DIAPH3: variants seen among roughly 807,000 people sequenced by gnomAD.
The protein encoded by DIAPH3 is protein diaphanous homolog 3.
Under a neutral mutation model 144.3 loss-of-function variants are expected in DIAPH3, and 117 were observed. The ratio of observed to expected loss-of-function variants is 0.81; its 90% CI spans 0.70 to 0.95. The LOEUF (loss-of-function observed/expected upper bound fraction) is 0.95, where lower values mean the gene tolerates loss of function less well. Among genes scored for constraint, DIAPH3 ranks in the 40% least tolerant of loss-of-function variants. The probability of loss-of-function intolerance (pLI) is 0.00; values close to 1 mark genes in which losing one functional copy is unlikely to be tolerated. For missense variants in DIAPH3, 1,421 were observed against 1,412.7 expected (o/e 1.01, Z -0.09); for synonymous variants, 519 against 488.9 (o/e 1.06, Z -0.81).
At chr13:59,811,052 T>C in intron 24 of DIAPH3, 129 bp from the exon 25 acceptor site, 1 of 840,288 alleles carries the variant, frequency 1.2e-6, no homozygotes, top group Admixed American at 2.8e-5. Flanking sequence ...GTTATGTTAG[T>C]AATACAGTCT....
Position 60,111,990 on chromosome 13 carries a change from T to C in DIAPH3, c.390+20A>G. 6.2e-7 allele frequency: 1 copy of C among 1,613,246 alleles called. No individual in the cohort carries two copies. The highest frequency in any genetic ancestry group is 8.5e-7 in the Non-Finnish European group (1 of 1,179,376). ...TAAGGCTTTTTCCTCAAACATTTCCTAAAGAATCAAAATTCTTACCATCAT... is the reference window on the plus strand; with the variant it reads ...TAAGGCTTTTTCCTCAAACATTTCCCAAAGAATCAAAATTCTTACCATCAT... On this transcript the variant is annotated intron_variant, in intron 3 of 27. Coordinates refer to ENST00000400324, the MANE Select transcript of DIAPH3 (RefSeq NM_001042517.2).
chr13:59,788,095 T>A lies in DIAPH3; in HGVS notation c.3164-13272A>T, dbSNP rs2039128914. Among the ~76,000 whole-genome samples, 3 of 152,180 alleles carry A rather than the reference T, an allele frequency of 2.0e-5. No individual in the cohort carries two copies. In the South Asian group the frequency reaches 6.2e-4, roughly 32 times the overall value. Reference sequence around the variant, plus strand: ...ATGGACTAAGACACCATAACAAAAATAAATAAACCATGCTTTAGATGTGAT... The same window carrying A: ...ATGGACTAAGACACCATAACAAAAAAAAATAAACCATGCTTTAGATGTGAT... On this transcript the variant is annotated intron_variant, in intron 25 of 27. Transcript: ENST00000400324.
At chr13:60,134,377 G>A (rs993669014) in intron 1 of DIAPH3, among the ~76,000 whole-genome samples, 3 of 152,178 alleles carry the variant, frequency 2.0e-5, no homozygotes, top group Non-Finnish European at 2.9e-5. Context: ...AAGTACGCAC[G>A]GTGGTCCTTA....
At chr13:60,129,270 T>C (rs964327808) in intron 2 of DIAPH3, among the ~76,000 whole-genome samples, 1 of 152,178 alleles carries the variant, frequency 6.6e-6, no homozygotes, top group African/African-American at 2.4e-5. Context: ...GAAAACCTTC[T>C]TCAAAACCCA....
At chr13:59,820,544 T>G (rs77430165) in intron 24 of DIAPH3, among the ~76,000 whole-genome samples, 3,244 of 151,982 alleles carry the variant, frequency 0.021, 86 homozygotes, top group East Asian at 0.12. Flanking sequence ...AAAAATTAAC[T>G]TAAAACACTG....
chr13:59,925,740 T>C (rs968570283), intron 17 of DIAPH3, among the ~76,000 whole-genome samples: 4 of 152,172 alleles, frequency 2.6e-5, no homozygotes, highest in African/African-American at 9.7e-5. Context: ...TTTCCTATTC[T>C]TTCTGATTTA....
intron 22 of DIAPH3, among the ~76,000 whole-genome samples, chr13:59,854,476 A>G (rs149956614): frequency 1.2e-3 from 176 of 152,142 alleles, no homozygotes; most frequent in African/African-American, 3.9e-3. Context: ...TCTTCCCCCA[A>G]TTGGTTACAT....
chr13:60,135,131 G>T (rs1406464250), intron 1 of DIAPH3, among the ~76,000 whole-genome samples: 1 of 151,690 alleles, frequency 6.6e-6, no homozygotes, highest in African/African-American at 2.4e-5. Context: ...ACTGTCAAAG[G>T]TCTAAAATTA....
chr13:59,676,596 G>C (rs925111003), intron 27 of DIAPH3, among the ~76,000 whole-genome samples: 1 of 152,166 alleles, frequency 6.6e-6, no homozygotes, highest in Non-Finnish European at 1.5e-5. Context: ...CAGGTGCTAA[G>C]TTTTTGAAAC....
chr13:60,001,918 C>A (rs912387875), intron 9 of DIAPH3, among the ~76,000 whole-genome samples: 1 of 152,096 alleles, frequency 6.6e-6, no homozygotes, highest in African/African-American at 2.4e-5. Flanking sequence ...AAAATCTGTG[C>A]CTGATTTCAG....
chr13:60,163,923 A>T lies in DIAPH3; in HGVS notation c.-157T>A, dbSNP rs991180846. The T allele has an allele frequency of 2.2e-6, 2 of 923,232 alleles. No homozygotes were observed. The highest frequency in any genetic ancestry group is 3.1e-6 in the Non-Finnish European group (2 of 636,448). 57.2% of individuals were successfully genotyped at this position (923,232 alleles called of 1,614,324 possible). On this transcript the variant is annotated 5_prime_UTR_variant, in exon 1 of 28. Coordinates refer to ENST00000400324, the MANE Select transcript of DIAPH3 (RefSeq NM_001042517.2). ...CGCTGAAGTCGGGGCCGCAGCCAAC[A>T]CATCTGAAAACTCCCGCCACCCGTG...
intron 27 of DIAPH3, among the ~76,000 whole-genome samples, chr13:59,729,423 C>T (rs1183399274): frequency 1.1e-4 from 17 of 151,790 alleles, no homozygotes; most frequent in Admixed American, 1.1e-3. Flanking sequence ...AGAAAGATAC[C>T]ATTCAATAAT....
chr13:59,836,182 A>T (rs1162513349), intron 23 of DIAPH3, among the ~76,000 whole-genome samples: 1 of 151,866 alleles, frequency 6.6e-6, no homozygotes, highest in Non-Finnish European at 1.5e-5. Context: ...TTCAAGTGCA[A>T]TGCTCCAAAT....
chr13:59,840,908 T>C (rs554176366), intron 22 of DIAPH3, among the ~76,000 whole-genome samples: 21 of 152,220 alleles, frequency 1.4e-4, no homozygotes, highest in Admixed American at 3.3e-4. Context: ...ATCTGAGTCA[T>C]TGTCTCAAAT....
At chr13:59,788,778 G>A (rs769849461) in intron 25 of DIAPH3, among the ~76,000 whole-genome samples, 6 of 152,136 alleles carry the variant, frequency 3.9e-5, no homozygotes, top group African/African-American at 4.8e-5. Flanking sequence ...TGAGGACATC[G>A]AATGAAGACC....
intron 17 of DIAPH3, among the ~76,000 whole-genome samples, chr13:59,937,980 G>GTC (rs144448075): frequency 4.0e-5 from 6 of 151,704 alleles, no homozygotes; most frequent in African/African-American, 9.7e-5. Flanking sequence ...TAGTTATCCT[G>GTC]TCTCTCTCTC....
At chr13:59,835,713 T>G (rs1173295009) in intron 23 of DIAPH3, among the ~76,000 whole-genome samples, 2 of 151,714 alleles carry the variant, frequency 1.3e-5, no homozygotes, top group African/African-American at 4.8e-5. Flanking sequence ...ATCACCCAAT[T>G]GCCCCACTTC....
rs11421911 is a variant in DIAPH3 at position 59,666,357 on chromosome 13, C to CAAAAAAAAA, written c.*218_*226dup. The stretch of plus-strand genomic sequence containing the variant: ...TAAAGAACTGAGGAATACCAGGAGA[C>CAAAAAAAAA]AAAAAAAAAAAAAAAAGGATTAAAG... On this transcript the variant is annotated 3_prime_UTR_variant, in exon 28 of 28. Transcript: ENST00000400324. 7.1e-6 allele frequency: 2 copies of CAAAAAAAAA among 281,530 alleles called. No individual in the cohort carries two copies. The highest frequency in any genetic ancestry group is 3.0e-5 in the African/African-American group (1 of 33,152). 17.4% of individuals were successfully genotyped at this position (281,530 alleles called of 1,614,324 possible).
At chr13:59,969,568 G>T (rs1398964639) in intron 17 of DIAPH3, among the ~76,000 whole-genome samples, 1 of 151,984 alleles carries the variant, frequency 6.6e-6, no homozygotes. Flanking sequence ...TAATATTAAA[G>T]GGTAGTAAAA....
Sources: allele counts gnomAD v4.1 joint callset (sites outside exome capture counted in the v4.1 genomes callset), GRCh38; gene constraint gnomAD v4.1.1; transcripts MANE v1.5; gene names NCBI Gene and HGNC (gene_info 2026-07-23, HGNC 2026-07-21).